Variants in METTL24 observed in about 807,000 individuals in gnomAD.
The protein encoded by METTL24 is methyltransferase like 24.
In METTL24, 29 loss-of-function variants were observed where a neutral mutation model predicts 32.7. The ratio of observed to expected loss-of-function variants is 0.89; its 90% confidence interval spans 0.66 to 1.21. METTL24 has a LOEUF of 1.21. Ranked by LOEUF, METTL24 falls within the 50% of genes most tolerant of loss-of-function variation. The pLI, the probability that METTL24 is intolerant of heterozygous loss-of-function variation, is 0.00. For synonymous variants in METTL24, 163 were observed against 179.5 expected (o/e 0.91, Z 0.73); for missense variants, 439 against 468.1 (o/e 0.94, Z 0.57).
At chr6:110,341,152 A>G (rs558424158) in intron 1 of METTL24, among the ~76,000 whole-genome samples, 19 of 152,286 alleles carry the variant, frequency 1.2e-4, no homozygotes, top group African/African-American at 2.2e-4. Flanking sequence ...CAAATTATAC[A>G]TATAGATGGC....
intron 4 of METTL24, among the ~76,000 whole-genome samples, chr6:110,286,360 C>T (rs942569760): frequency 6.6e-6 from 1 of 152,190 alleles, no homozygotes; most frequent in Non-Finnish European, 1.5e-5. Flanking sequence ...GTTAAAAATG[C>T]AGGCTCCTGG....
chr6:110,331,554 T>C (rs1347947770), intron 1 of METTL24, among the ~76,000 whole-genome samples: 1 of 148,970 alleles, frequency 6.7e-6, no homozygotes, highest in African/African-American at 2.5e-5. Context: ...CCAGCTACTC[T>C]GGTGGCTGAG....
chr6:110,327,876 A>G (rs1006865683), intron 1 of METTL24, among the ~76,000 whole-genome samples: 1 of 152,210 alleles, frequency 6.6e-6, no homozygotes, highest in African/African-American at 2.4e-5. Context: ...TTAAATGCCT[A>G]TCATCCACGT....
chr6:110,263,206 T>C (rs1417808202), intron 4 of METTL24, among the ~76,000 whole-genome samples: 1 of 152,198 alleles, frequency 6.6e-6, no homozygotes, highest in Non-Finnish European at 1.5e-5. Flanking sequence ...GACATGATTG[T>C]ATATCTAGAA....
intron 1 of METTL24, among the ~76,000 whole-genome samples, chr6:110,345,322 T>C (rs1488057285): frequency 6.6e-6 from 1 of 152,094 alleles, no homozygotes; most frequent in Non-Finnish European, 1.5e-5. Context: ...TTATACACGG[T>C]TGGTGGGAGT....
chr6:110,332,932 G>T (rs1001944430), intron 1 of METTL24, among the ~76,000 whole-genome samples: 5 of 150,852 alleles, frequency 3.3e-5, no homozygotes, highest in Non-Finnish European at 7.4e-5. Context: ...AAGCAAGTGT[G>T]CCTAAGAAAG....
chr6:110,334,051 A>C (rs1562240399), intron 1 of METTL24, among the ~76,000 whole-genome samples: 1 of 150,490 alleles, frequency 6.6e-6, no homozygotes. Context: ...ACAGAAAAAA[A>C]GTGGGGGGAG....
intron 3 of METTL24, among the ~76,000 whole-genome samples, chr6:110,309,648 G>T (rs1483660721): frequency 6.6e-6 from 1 of 152,134 alleles, no homozygotes; most frequent in Non-Finnish European, 1.5e-5. Context: ...AGGTTGTGCA[G>T]GGAAACTCTT....
At chr6:110,270,043 C>T (rs1770926322) in intron 4 of METTL24, among the ~76,000 whole-genome samples, 2 of 152,158 alleles carry the variant, frequency 1.3e-5, no homozygotes, top group Admixed American at 1.3e-4. Flanking sequence ...GGGATTTTGG[C>T]AAACGATGAT....
At chr6:110,339,272 G>A (rs72935971) in intron 1 of METTL24, among the ~76,000 whole-genome samples, 9,803 of 152,196 alleles carry the variant, frequency 0.064, 373 homozygotes, top group Non-Finnish European at 0.087. Flanking sequence ...TCATTCTCCC[G>A]CTAGGAGTCA....
intron 1 of METTL24, among the ~76,000 whole-genome samples, chr6:110,356,711 G>A (rs1772706959): frequency 6.6e-6 from 1 of 152,204 alleles, no homozygotes; most frequent in African/African-American, 2.4e-5. Context: ...ATGGTATCAC[G>A]GACAGTGAAT....
intron 3 of METTL24, among the ~76,000 whole-genome samples, chr6:110,304,419 T>C (rs977912231): frequency 6.6e-6 from 1 of 152,076 alleles, no homozygotes; most frequent in Non-Finnish European, 1.5e-5. Flanking sequence ...CTAAGAACCT[T>C]GATAAAAGGT....
intron 4 of METTL24, among the ~76,000 whole-genome samples, chr6:110,264,507 C>T (rs1770816109): frequency 6.6e-6 from 1 of 152,178 alleles, no homozygotes; most frequent in African/African-American, 2.4e-5. Context: ...AATAGGAACA[C>T]TTTTACACTG....
chr6:110,261,916 A>T (rs374812875), intron 4 of METTL24, among the ~76,000 whole-genome samples: 336 of 152,350 alleles, frequency 2.2e-3, no homozygotes, highest in Non-Finnish European at 3.3e-3. Context: ...CTTTGAAACC[A>T]ACGAGAACAA....
At chr6:110,300,422 CTTTT>C (rs56017770) in intron 3 of METTL24, among the ~76,000 whole-genome samples, 2 of 133,252 alleles carry the variant, frequency 1.5e-5, no homozygotes, top group Admixed American at 7.6e-5. Flanking sequence ...CCGAGACATG[CTTTT>C]TTTTTTTTTT....
chr6:110,302,570 T>C (rs1384612884), intron 3 of METTL24, among the ~76,000 whole-genome samples: 10 of 118,066 alleles, frequency 8.5e-5, no homozygotes, highest in Non-Finnish European at 1.3e-4. Context: ...TATACACACA[T>C]ACACACACAT....
chr6:110,353,964 T>A (rs1353388766), intron 1 of METTL24, among the ~76,000 whole-genome samples: 3 of 152,060 alleles, frequency 2.0e-5, no homozygotes, highest in African/African-American at 7.2e-5. Context: ...CAGAAACACA[T>A]GCAGATAGAA....
intron 4 of METTL24, among the ~76,000 whole-genome samples, chr6:110,260,285 T>C (rs1778468941): frequency 6.6e-6 from 1 of 152,204 alleles, no homozygotes. Context: ...CTGATGGAGC[T>C]GAAAACCATG....
intron 4 of METTL24, among the ~76,000 whole-genome samples, chr6:110,261,461 T>C (rs979832106): frequency 6.6e-6 from 1 of 152,122 alleles, no homozygotes; most frequent in Non-Finnish European, 1.5e-5. Context: ...CCCAGAGTCA[T>C]AAAGCAAGTC....
Sources: allele counts gnomAD v4.1 joint callset (sites outside exome capture counted in the v4.1 genomes callset), GRCh38; gene constraint gnomAD v4.1.1; transcripts MANE v1.5; gene names NCBI Gene and HGNC (gene_info 2026-07-23, HGNC 2026-07-21).